The following CACNA2D4 variants were observed in gnomAD, a reference collection of about 807,000 sequenced individuals.
CACNA2D4 encodes voltage-dependent calcium channel subunit alpha-2/delta-4.
In CACNA2D4, 157 loss-of-function variants were observed where a neutral mutation model predicts 163.8. That is an observed-to-expected ratio of 0.96 (90% CI 0.84 to 1.09). CACNA2D4 has a LOEUF of 1.09. Ranked by LOEUF, CACNA2D4 falls within the 50% of genes least tolerant of loss-of-function variation. CACNA2D4 has a pLI of 0.00. For synonymous variants in CACNA2D4, 598 were observed against 586.9 expected (o/e 1.02, Z -0.27); for missense variants, 1,410 against 1,479.9 (o/e 0.95, Z 0.78).
chr12:1,896,237 G>C (rs1317259338), intron 6 of CACNA2D4, among the ~76,000 whole-genome samples: 2 of 151,982 alleles, frequency 1.3e-5, no homozygotes, highest in African/African-American at 4.8e-5. Context: ...CAAACAAATG[G>C]GACTCTATTA....
At chr12:1,853,810 AG>A (rs1348586740) in intron 23 of CACNA2D4, 140 bp downstream of exon 23, 2 of 632,652 alleles carry the variant, frequency 3.2e-6, no homozygotes, top group African/African-American at 1.8e-5. Context: ...TCCAGTGCCC[AG>A]GGGGACCTCC....
chr12:1,827,189 C>A (rs1472281780), intron 26 of CACNA2D4, among the ~76,000 whole-genome samples: 1 of 152,232 alleles, frequency 6.6e-6, no homozygotes, highest in African/African-American at 2.4e-5. Flanking sequence ...CCCTGTCCCC[C>A]TCTCTGATGG....
At chr12:1,886,935 A>G (rs1204825700) in intron 7 of CACNA2D4, 74 bp downstream of exon 7, 13 of 1,030,064 alleles carry the variant, frequency 1.3e-5, no homozygotes, top group African/African-American at 3.2e-5. Flanking sequence ...GCGGAAGTGG[A>G]GGAGGATGAG....
chr12:1,795,890 C>G (rs1213849902), intron 35 of CACNA2D4, 110 bp from the exon 36 acceptor site: 32 of 766,886 alleles, frequency 4.2e-5, no homozygotes, highest in Non-Finnish European at 6.5e-5. Flanking sequence ...CAGGGAAGCC[C>G]GGAACCATGA....
chr12:1,795,122 G>A, intron 37 of CACNA2D4, 177 bp downstream of exon 37: 1 of 608,062 alleles, frequency 1.6e-6, no homozygotes, highest in South Asian at 2.0e-5. Context: ...ATAAAGATCT[G>A]TTTCTTATTA....
rs1863352548 is a variant in CACNA2D4 at position 1,802,022 on chromosome 12, TG to T, written c.2722-379del. 9.0e-5 allele frequency among the ~76,000 whole-genome samples: 5 copies of T among 55,780 alleles called. No individual in the cohort carries two copies. The highest frequency in any genetic ancestry group is 2.4e-4 in the Admixed American group (1 of 4,160). The allele number at this position is 55,780 out of a possible 152,430, so 36.6% of individuals were successfully genotyped here. On this transcript the variant is annotated intron_variant, in intron 29 of 37. Coordinates refer to ENST00000382722, the MANE Select transcript of CACNA2D4 (RefSeq NM_172364.5). The surrounding 1 kb of genome is among the most constrained non-coding windows in gnomAD (Gnocchi z 4.7). Reference sequence around the variant, plus strand: ...CTGGATTTGTTTTATATGCTGTGTGTGTGTGTGTGTGTGTGTGTGTGTGTGT... The same window carrying T: ...CTGGATTTGTTTTATATGCTGTGTGTTGTGTGTGTGTGTGTGTGTGTGTGT...
At chr12:1,857,738 A>G (rs1185481951) in intron 20 of CACNA2D4, among the ~76,000 whole-genome samples, 1 of 152,038 alleles carries the variant, frequency 6.6e-6, no homozygotes, top group Non-Finnish European at 1.5e-5. Context: ...CTGCCATCTC[A>G]CTTTGGTTCG....
chr12:1,915,365 C>A, intron 1 of CACNA2D4: 1 of 648,246 alleles, frequency 1.5e-6, no homozygotes, highest in South Asian at 1.7e-5. Flanking sequence ...CCCCAAGCTT[C>A]CAGGGCCTCT....
intron 6 of CACNA2D4, among the ~76,000 whole-genome samples, chr12:1,893,419 T>A (rs991947395): frequency 6.6e-5 from 10 of 152,070 alleles, no homozygotes; most frequent in African/African-American, 2.4e-4. Flanking sequence ...CTTGGGAGAC[T>A]GAGGCAGAGA....
chr12:1,805,933 A>G (rs1330947872), intron 29 of CACNA2D4, among the ~76,000 whole-genome samples: 1 of 152,230 alleles, frequency 6.6e-6, no homozygotes, highest in African/African-American at 2.4e-5. Context: ...TCAGAGAAAC[A>G]GGAGCCGAGG....
intron 19 of CACNA2D4, 101 bp downstream of exon 19, chr12:1,860,044 C>T: frequency 2.2e-6 from 2 of 921,086 alleles, no homozygotes; most frequent in East Asian, 5.1e-5. Flanking sequence ...TGGATGCTGA[C>T]CTGGGTCTTT....
intron 18 of CACNA2D4, among the ~76,000 whole-genome samples, chr12:1,865,494 C>T (rs1222778547): frequency 6.6e-6 from 1 of 152,276 alleles, no homozygotes; most frequent in Non-Finnish European, 1.5e-5. Context: ...GCAAGAGCCA[C>T]TGTCAAGCAC....
rs1469643372 is a variant in CACNA2D4 at position 1,856,019 on chromosome 12, G to T, written c.2145C>A (p.Asp715Glu). Residue 715 changes from aspartate to glutamate, a missense_variant, in exon 22 of 38, where the codon GAC becomes GAA. Transcript: ENST00000382722. ...MIRFLTRKDP[D>E]LECDEELVRE... is the part of the protein sequence containing the mutation. ...TGGGCGGCCAGCACTCACACTCCAG[G>T]TCTGGGTCCTTCCTGGTGAGGAAGC... 3 of 1,613,578 alleles carry T rather than the reference G, an allele frequency of 1.9e-6. No homozygotes were observed. The Admixed American group carries it at 5.0e-5, about 27-fold the overall frequency.
In CACNA2D4 at chr12:1,907,720, GGCCTGGTGGGCGT is replaced by G. The variant is rs377491437; in HGVS notation, c.649+142_650-150del. On this transcript the variant is annotated intron_variant, in intron 5 of 37. Transcript: ENST00000382722. ...TGCCTGGTGGGCGTGTCTGGTGGAC[GGCCTGGTGGGCGT>G]GCCTGGTGGGCGTGTCTGGTGGGTG... The G allele has an allele frequency of 1.3e-3, 1,499 of 1,186,750 alleles. 11 individuals carry two copies. The African/African-American group carries it at 0.019, about 15-fold the overall frequency. 73.5% of individuals were successfully genotyped at this position (1,186,750 alleles called of 1,614,324 possible).
chr12:1,819,386 G>A (rs1361372663), intron 26 of CACNA2D4, among the ~76,000 whole-genome samples: 1 of 152,206 alleles, frequency 6.6e-6, no homozygotes, highest in Admixed American at 6.5e-5. Flanking sequence ...AGAACGGACA[G>A]AAGGGAGTGA....
At chr12:1,884,061 T>A in intron 12 of CACNA2D4, 182 bp downstream of exon 12, 1 of 574,876 alleles carries the variant, frequency 1.7e-6, no homozygotes, top group Non-Finnish European at 3.1e-6. Flanking sequence ...GAGACAGAGC[T>A]GACATTGTCT....
Position 1,840,768 on chromosome 12 carries a change from G to A in CACNA2D4, c.2522C>T (p.Thr841Ile), listed in dbSNP as rs1865002866. The A allele has an allele frequency of 6.2e-7, 1 of 1,613,888 alleles. No individual in the cohort carries two copies. The highest frequency in any genetic ancestry group is 8.5e-7 in the Non-Finnish European group (1 of 1,179,880). The change falls in exon 26 of 38, where the codon ACC (threonine) becomes ATC (isoleucine). Residue 841 changes from threonine (T) to isoleucine (I), a missense_variant. Thr to Ile is a moderately conservative substitution (Grantham distance 89, BLOSUM62 -1). Transcript: ENST00000382722. ...AGCAATGGCTGTCCTCTTGTCCACG[G>A]TCACCGCCACAGCTGTGCTTGCCGT... Reference protein sequence around the residue: ...VVTASTAVAVTVDKRTAIAAA... With the variant: ...VVTASTAVAVIVDKRTAIAAA...
intron 6 of CACNA2D4, among the ~76,000 whole-genome samples, chr12:1,898,369 T>A (rs1043119713): frequency 1.2e-4 from 18 of 148,552 alleles, no homozygotes; most frequent in Non-Finnish European, 2.2e-4. Context: ...AGAACTCCTA[T>A]GACTCAACAA....
intron 6 of CACNA2D4, among the ~76,000 whole-genome samples, chr12:1,905,187 A>C (rs2190770): frequency 0.69 from 105,397 of 151,874 alleles, 36,972 homozygotes; most frequent in Non-Finnish European, 0.74. Context: ...CAAAAACATT[A>C]AAAAAACTAG....
Sources: gnomAD v4.1 joint callset for allele counts (sites outside exome capture counted in the v4.1 genomes callset) on GRCh38, gnomAD v4.1.1 for gene constraint, Gnocchi (gnomAD v3.1) non-coding constraint, MANE v1.5 for transcripts, NCBI Gene and HGNC (gene_info 2026-07-23, HGNC 2026-07-21) for gene names.